SEMA6D: variants seen among roughly 807,000 people sequenced by gnomAD.
SEMA6D encodes the protein semaphorin-6D.
Under a neutral mutation model 106.6 loss-of-function variants are expected in SEMA6D, and 35 were observed. The observed-to-expected ratio is 0.33, with a 90% CI of 0.25 to 0.44. The LOEUF (loss-of-function observed/expected upper bound fraction) is 0.44, where lower values mean the gene tolerates loss of function less well. Ranked by LOEUF, SEMA6D falls within the 20% of genes least tolerant of loss-of-function variation. SEMA6D has a pLI of 1.00. For synonymous variants in SEMA6D, 499 were observed against 487.7 expected, an observed-to-expected ratio of 1.02 and a Z score of -0.31; for missense variants, 1,185 against 1,345.9, an observed-to-expected ratio of 0.88 and a Z score of 1.87.
chr15:47,614,698 T>C (rs2076973895), intron 4 of SEMA6D, among the ~76,000 whole-genome samples: 1 of 152,186 alleles, frequency 6.6e-6, no homozygotes, highest in Admixed American at 6.5e-5. Flanking sequence ...CCCTCCAGTC[T>C]CTGTAGATCC....
intron 1 of SEMA6D, among the ~76,000 whole-genome samples, chr15:47,746,569 C>T (rs1005111866): frequency 1.3e-5 from 2 of 152,156 alleles, no homozygotes; most frequent in Admixed American, 6.5e-5. Context: ...TCAGACAAGT[C>T]AGTAGCATCA....
chr15:47,496,537 T>G (rs1221965642), intron 3 of SEMA6D, among the ~76,000 whole-genome samples: 1 of 152,082 alleles, frequency 6.6e-6, no homozygotes, highest in Non-Finnish European at 1.5e-5. Flanking sequence ...GTTTTCATTC[T>G]ACCTCCGATA....
intron 3 of SEMA6D, among the ~76,000 whole-genome samples, chr15:47,471,475 A>G (rs1173383384): frequency 6.6e-6 from 1 of 151,842 alleles, no homozygotes; most frequent in Non-Finnish European, 1.5e-5. Flanking sequence ...TAAACATTCA[A>G]CTCCTTCAGT....
chr15:47,659,477 AAATT>A, intron 4 of SEMA6D, among the ~76,000 whole-genome samples: 1 of 152,110 alleles, frequency 6.6e-6, no homozygotes, highest in African/African-American at 2.4e-5. Context: ...ATGTTAAAAA[AAATT>A]AAAGTATTAT....
At chr15:47,220,879 T>G (rs1253449153) in intron 1 of SEMA6D, among the ~76,000 whole-genome samples, 2 of 152,232 alleles carry the variant, frequency 1.3e-5, no homozygotes, top group African/African-American at 4.8e-5. Context: ...CTTGAAAAAT[T>G]GATTTTGAGA....
At chr15:47,688,355 TA>T (rs1182848910) in intron 4 of SEMA6D, among the ~76,000 whole-genome samples, 2 of 152,080 alleles carry the variant, frequency 1.3e-5, no homozygotes, top group Non-Finnish European at 1.5e-5. Flanking sequence ...AAAACCGAGA[TA>T]AAACCTAAAA....
chr15:47,283,266 G>A (rs1288370145), intron 1 of SEMA6D, among the ~76,000 whole-genome samples: 2 of 152,110 alleles, frequency 1.3e-5, no homozygotes, highest in African/African-American at 2.4e-5. Context: ...AGAAGGAAAA[G>A]TATATGCGTA....
At chr15:47,533,982 C>T (rs1448352629) in intron 3 of SEMA6D, among the ~76,000 whole-genome samples, 3 of 152,116 alleles carry the variant, frequency 2.0e-5, no homozygotes, top group Non-Finnish European at 4.4e-5. Context: ...GATACATTAA[C>T]TTTAACCGAG....
intron 3 of SEMA6D, among the ~76,000 whole-genome samples, chr15:47,473,179 A>G (rs1225660343): frequency 1.3e-5 from 2 of 152,156 alleles, no homozygotes; most frequent in African/African-American, 4.8e-5. Flanking sequence ...CCTCCCTGGA[A>G]AGGAGTGGCA....
intron 1 of SEMA6D, among the ~76,000 whole-genome samples, chr15:47,301,450 C>G (rs1252640456): frequency 6.6e-6 from 1 of 152,186 alleles, no homozygotes; most frequent in Non-Finnish European, 1.5e-5. Context: ...TGAGGCTCAT[C>G]AGAAATGGAG....
At chr15:47,712,421 T>G (rs1383766766) in intron 4 of SEMA6D, among the ~76,000 whole-genome samples, 1 of 152,168 alleles carries the variant, frequency 6.6e-6, no homozygotes, top group Non-Finnish European at 1.5e-5. Flanking sequence ...CCTAATAAGA[T>G]AGTTATTTTA....
intron 1 of SEMA6D, among the ~76,000 whole-genome samples, chr15:47,363,399 G>A (rs1270968906): frequency 1.3e-5 from 2 of 151,610 alleles, no homozygotes; most frequent in Non-Finnish European, 3.0e-5. Context: ...AGCTTCTAAG[G>A]TAAATTACAT....
rs537631730 is a variant in SEMA6D, at chr15:47,667,087, G to A, written c.-55+66191G>A. ...GCCAACCCATTCCGTCAGCCTCCAC[G>A]TCTTCCCTACTGAAGCACCAGAAAC... On this transcript the variant is annotated intron_variant, in intron 4 of 19. Coordinates refer to the SEMA6D transcript ENST00000558014. 5.9e-5 allele frequency among the ~76,000 whole-genome samples: 9 copies of A among 152,258 alleles called. No individual in the cohort carries two copies. In the East Asian group the frequency reaches 7.7e-4, roughly 13 times the overall value.
intron 4 of SEMA6D, among the ~76,000 whole-genome samples, chr15:47,658,695 A>C (rs1231706375): frequency 1.3e-5 from 2 of 152,208 alleles, no homozygotes; most frequent in East Asian, 3.8e-4. Flanking sequence ...TTACATAGCA[A>C]TTGTTCATCA....
intron 1 of SEMA6D, among the ~76,000 whole-genome samples, chr15:47,409,164 C>A (rs1482019974): frequency 6.6e-6 from 1 of 152,174 alleles, no homozygotes; most frequent in Non-Finnish European, 1.5e-5. Context: ...TTTATTTAAG[C>A]TTGTAGACAG....
At chr15:47,660,668 C>T (rs1370953268) in intron 4 of SEMA6D, among the ~76,000 whole-genome samples, 1 of 152,070 alleles carries the variant, frequency 6.6e-6, no homozygotes. Flanking sequence ...TATATGCATG[C>T]ATTACTTTAT....
chr15:47,673,128 G>A (rs2078170802), intron 4 of SEMA6D, among the ~76,000 whole-genome samples: 1 of 151,774 alleles, frequency 6.6e-6, no homozygotes, highest in African/African-American at 2.4e-5. Context: ...TCCCCCAAAG[G>A]CCAGCTATCC....
At chr15:47,503,443 T>C (rs2043925061) in intron 3 of SEMA6D, among the ~76,000 whole-genome samples, 1 of 152,212 alleles carries the variant, frequency 6.6e-6, no homozygotes, top group Admixed American at 6.5e-5. Flanking sequence ...GTATTCCGAC[T>C]GATTTGTCCT....
intron 1 of SEMA6D, among the ~76,000 whole-genome samples, chr15:47,731,471 T>C (rs758304417): frequency 2.5e-4 from 38 of 152,186 alleles, no homozygotes; most frequent in Non-Finnish European, 3.7e-4. Flanking sequence ...CCTTCATAGA[T>C]TGGCAAAGTG....
Sources: gnomAD v4.1 joint callset for allele counts (sites outside exome capture counted in the v4.1 genomes callset) on GRCh38, gnomAD v4.1.1 for gene constraint, MANE v1.5 for transcripts, NCBI Gene and HGNC (gene_info 2026-07-23, HGNC 2026-07-21) for gene names.